The following MACROD2 variants were observed in gnomAD, a reference collection of about 807,000 sequenced individuals.
MACROD2 encodes the protein mono-ADP ribosylhydrolase 2.
A neutral mutation model predicts 70.4 loss-of-function variants in MACROD2; 36 were observed. That is an observed-to-expected ratio of 0.51 (90% CI 0.39 to 0.68). The LOEUF (loss-of-function observed/expected upper bound fraction) is 0.68. Among genes scored for constraint, MACROD2 ranks in the 30% least tolerant of loss-of-function variants. The pLI is 0.00. For synonymous variants in MACROD2, 172 were observed against 178.8 expected (o/e 0.96, Z 0.30); for missense variants, 496 against 538.4 (o/e 0.92, Z 0.78).
chr20:15,965,747 T>A lies in MACROD2; in HGVS notation c.908-1806T>A, dbSNP rs1198055697. Reference sequence around the variant, plus strand: ...TTCAATTGACATCTTAGCTCCAAAATTAAAAGAGCATATTTTAATGGGAGC... The same window carrying A: ...TTCAATTGACATCTTAGCTCCAAAAATAAAAGAGCATATTTTAATGGGAGC... On this transcript the variant is annotated intron_variant, in intron 12 of 17. Coordinates refer to ENST00000684519, the MANE Select transcript of MACROD2 (RefSeq NM_001351661.2). Among the ~76,000 whole-genome samples, 4 of 152,144 alleles carry A rather than the reference T, an allele frequency of 2.6e-5. No individual in the cohort carries two copies. The South Asian group carries it at 8.3e-4, about 31-fold the overall frequency.
At position 15,731,793 on chromosome 20, in the gene MACROD2, T is replaced by C. The variant is rs185126313; in HGVS notation, c.646-130952T>C. Among the ~76,000 whole-genome samples the C allele has an allele frequency of 7.1e-3, 387 of 54,552 alleles. 140 individuals are homozygous for C. Among genetic ancestry groups the C allele is most frequent in the African/African-American group, 0.019 (374 of 19,208 alleles). 35.8% of individuals were successfully genotyped at this position (54,552 alleles called of 152,430 possible). ...TTTTTGAGACGGAGTTTCACTCTTG[T>C]TGCCCAGGCTGGAGTGCAATAGCGC... On this transcript the variant is annotated intron_variant, in intron 8 of 17. Coordinates refer to ENST00000684519, the MANE Select transcript of MACROD2 (RefSeq NM_001351661.2).
chr20:14,787,913 GAC>G (rs781153248), intron 5 of MACROD2, among the ~76,000 whole-genome samples: 6 of 152,058 alleles, frequency 3.9e-5, no homozygotes, highest in Admixed American at 2.0e-4. Flanking sequence ...TTGGGAATAA[GAC>G]AGCACATTTC....
At chr20:14,378,538 C>G (rs1223645178) in intron 3 of MACROD2, among the ~76,000 whole-genome samples, 1 of 152,214 alleles carries the variant, frequency 6.6e-6, no homozygotes, top group Non-Finnish European at 1.5e-5. Flanking sequence ...TACTTAATCT[C>G]TCTTCCCTTA....
At chr20:14,068,478 T>C (rs2053796838) in intron 2 of MACROD2, among the ~76,000 whole-genome samples, 1 of 152,104 alleles carries the variant, frequency 6.6e-6, no homozygotes, top group Non-Finnish European at 1.5e-5. Flanking sequence ...TGATAAAACA[T>C]ACACAGATAA....
At chr20:15,847,957 C>A (rs2038785383) in intron 8 of MACROD2, among the ~76,000 whole-genome samples, 1 of 152,108 alleles carries the variant, frequency 6.6e-6, no homozygotes. Context: ...AGTTAGTGTT[C>A]AGGGTGGCTT....
intron 8 of MACROD2, among the ~76,000 whole-genome samples, chr20:15,751,506 A>AT (rs2051269358): frequency 6.6e-6 from 1 of 152,048 alleles, no homozygotes; most frequent in African/African-American, 2.4e-5. Context: ...GGGTTTTGAA[A>AT]TTTTTGTTAA....
chr20:14,395,842 A>G (rs2083574758), intron 3 of MACROD2, among the ~76,000 whole-genome samples: 1 of 152,132 alleles, frequency 6.6e-6, no homozygotes, highest in Non-Finnish European at 1.5e-5. Context: ...TCTTTGACTC[A>G]TGGGTTATTT....
At chr20:15,300,837 G>A (rs1195490932) in intron 6 of MACROD2, among the ~76,000 whole-genome samples, 1 of 152,184 alleles carries the variant, frequency 6.6e-6, no homozygotes, top group African/African-American at 2.4e-5. Context: ...GGAATCAGAA[G>A]AAGATTAAAA....
intron 3 of MACROD2, among the ~76,000 whole-genome samples, chr20:14,458,972 G>C (rs958601990): frequency 6.6e-6 from 1 of 151,730 alleles, no homozygotes; most frequent in African/African-American, 2.4e-5. Context: ...GGTTAATATT[G>C]GCAACACATG....
At chr20:15,695,694 C>T (rs573056488) in intron 8 of MACROD2, among the ~76,000 whole-genome samples, 4 of 152,188 alleles carry the variant, frequency 2.6e-5, no homozygotes, top group Non-Finnish European at 5.9e-5. Flanking sequence ...CAGGCATGAG[C>T]CACCAAGCCC....
intron 3 of MACROD2, among the ~76,000 whole-genome samples, chr20:14,258,943 T>C (rs2082079599): frequency 6.6e-6 from 1 of 152,152 alleles, no homozygotes; most frequent in African/African-American, 2.4e-5. Flanking sequence ...TTAGTTAATT[T>C]ATTAATTTGT....
chr20:14,045,477 A>C (rs1159285376), intron 2 of MACROD2, among the ~76,000 whole-genome samples: 1 of 152,258 alleles, frequency 6.6e-6, no homozygotes, highest in East Asian at 1.9e-4. Flanking sequence ...ATAGTTTAGG[A>C]AACTGCAGAC....
At chr20:14,839,335 C>A (rs548909799) in intron 5 of MACROD2, among the ~76,000 whole-genome samples, 1 of 152,014 alleles carries the variant, frequency 6.6e-6, no homozygotes, top group Non-Finnish European at 1.5e-5. Context: ...AATGAGAGAT[C>A]GCATGAAAGA....
At chr20:15,537,280 C>T (rs941419535) in intron 8 of MACROD2, among the ~76,000 whole-genome samples, 6 of 152,064 alleles carry the variant, frequency 3.9e-5, no homozygotes, top group Non-Finnish European at 8.8e-5. Context: ...GAAGCCTCCC[C>T]AGCCATGTGG....
chr20:15,676,401 C>G (rs761751439), intron 8 of MACROD2, among the ~76,000 whole-genome samples: 6 of 152,202 alleles, frequency 3.9e-5, no homozygotes, highest in Non-Finnish European at 7.3e-5. Context: ...AGATTAATAT[C>G]ATGGGCTAAA....
chr20:15,500,481 C>A (rs144104317), intron 8 of MACROD2, among the ~76,000 whole-genome samples: 1 of 152,062 alleles, frequency 6.6e-6, no homozygotes, highest in African/African-American at 2.4e-5. Context: ...AACTAGAGAC[C>A]GTGGAGCGTT....
At chr20:15,832,992 G>A (rs1011106412) in intron 8 of MACROD2, among the ~76,000 whole-genome samples, 1 of 152,142 alleles carries the variant, frequency 6.6e-6, no homozygotes, top group African/African-American at 2.4e-5. Flanking sequence ...ATAACCTGTG[G>A]AATATACGAC....
chr20:15,870,094 ACCT>A (rs1191596715), intron 9 of MACROD2, among the ~76,000 whole-genome samples: 2 of 152,030 alleles, frequency 1.3e-5, no homozygotes, highest in African/African-American at 4.8e-5. Context: ...ACTTATTTTG[ACCT>A]CCTTATAGTC....
intron 3 of MACROD2, among the ~76,000 whole-genome samples, chr20:14,295,795 G>A (rs984301291): frequency 2.6e-5 from 4 of 151,846 alleles, no homozygotes; most frequent in Non-Finnish European, 4.4e-5. Context: ...ACTGAGTCTA[G>A]CACTAAGTTT....
Sources: gnomAD v4.1 joint callset for allele counts (sites outside exome capture counted in the v4.1 genomes callset) on GRCh38, gnomAD v4.1.1 for gene constraint, MANE v1.5 for transcripts, NCBI Gene and HGNC (gene_info 2026-07-23, HGNC 2026-07-21) for gene names.